CLCC1: variants seen among roughly 807,000 people sequenced by gnomAD.
CLCC1 encodes the protein chloride channel CLIC like 1.
CLCC1 carries 39 observed loss-of-function variants against 63.3 expected under a neutral mutation model. The observed-to-expected ratio is 0.62, with a 90% confidence interval of 0.48 to 0.81. The LOEUF is 0.81. Ranked by LOEUF, CLCC1 falls within the 30% of genes least tolerant of loss-of-function variation. The pLI, the probability that CLCC1 is intolerant of heterozygous loss-of-function variation, is 0.00. For missense variants in CLCC1, 549 were observed against 669.4 expected (o/e 0.82, Z 1.98); for synonymous variants, 217 against 239.8 (o/e 0.90, Z 0.88).
At chr1:108,944,396 G>A (rs1056355579) in intron 5 of CLCC1, among the ~76,000 whole-genome samples, 9 of 151,894 alleles carry the variant, frequency 5.9e-5, no homozygotes, top group East Asian at 3.9e-4. Context: ...TCTGTGCCCC[G>A]GATTCGAGGC....
chr1:108,938,857 G>T (rs769237914), intron 10 of CLCC1, among the ~76,000 whole-genome samples: 1 of 151,972 alleles, frequency 6.6e-6, no homozygotes, highest in Admixed American at 6.6e-5. Context: ...TTAAAAAGAG[G>T]TTATTATTCT....
intron 5 of CLCC1, among the ~76,000 whole-genome samples, chr1:108,947,406 C>T (rs76958472): frequency 6.6e-6 from 1 of 152,140 alleles, no homozygotes; most frequent in African/African-American, 2.4e-5. Context: ...GGAGAAAGAG[C>T]GGTCTGCACT....
intron 2 of CLCC1, among the ~76,000 whole-genome samples, chr1:108,952,460 A>G (rs1655323582): frequency 6.6e-6 from 1 of 151,940 alleles, no homozygotes; most frequent in South Asian, 2.1e-4. Flanking sequence ...CATGAGCCAC[A>G]GCGCTTGGCC....
rs1553222737 is a variant in CLCC1, at chr1:108,954,028, A to AG, written c.-11-3581_-11-3580insC. 2.6e-4 allele frequency among the ~76,000 whole-genome samples: 38 copies of AG among 148,996 alleles called. 4 individuals carry two copies. Among genetic ancestry groups the AG allele is most frequent in the African/African-American group, 9.2e-4 (36 of 39,314 alleles). On this transcript the variant is annotated intron_variant, in intron 2 of 12. Transcript: ENST00000369969. Reference sequence around the variant, plus strand: ...TCCGTCTCAAAAAAAAAAAAAAAAAACACATCCGACTGGAGAAACTAGAAA... The same window carrying AG: ...TCCGTCTCAAAAAAAAAAAAAAAAAAGCACATCCGACTGGAGAAACTAGAAA...
rs780493936 is a variant in CLCC1 at position 108,929,919 on chromosome 1, G to GA, written c.*2627dup. The GA allele has an allele frequency of 1.9e-5, 31 of 1,613,130 alleles. No homozygotes were observed. In the Admixed American group the frequency reaches 3.3e-4, roughly 17 times the overall value. Reference sequence around the variant, plus strand: ...CTTTGTTGGAGTTTAAAAATTCAGGGAAAAAATCGGCAGACCATTAGTTAC... The same window carrying GA: ...CTTTGTTGGAGTTTAAAAATTCAGGGAAAAAAATCGGCAGACCATTAGTTAC... On this transcript the variant is annotated 3_prime_UTR_variant, in exon 13 of 13. Coordinates refer to ENST00000369969, the MANE Select transcript of CLCC1 (RefSeq NM_001377458.1).
At position 108,951,034 on chromosome 1, in the gene CLCC1, T is replaced by C. The variant is rs114291219; in HGVS notation, c.-11-586A>G. Among the ~76,000 whole-genome samples the C allele has an allele frequency of 1.0e-2, 1,520 of 152,230 alleles. 16 individuals carry two copies. The highest frequency in any genetic ancestry group is 0.02 in the Middle Eastern group (6 of 294). On this transcript the variant is annotated intron_variant, in intron 2 of 12. Transcript: ENST00000369969. ...TATATACCCAAAAGAAATGAAAATATATGTCCACACAAAAACTTGTACATG... is the reference window on the plus strand; with the variant it reads ...TATATACCCAAAAGAAATGAAAATACATGTCCACACAAAAACTTGTACATG...
rs376059713 is a variant in CLCC1 at position 108,941,491 on chromosome 1, A to G, written c.710T>C (p.Phe237Ser). 1.9e-6 allele frequency: 3 copies of G among 1,613,910 alleles called. No homozygotes were observed. The African/African-American group carries it at 4.0e-5, about 22-fold the overall frequency. ...GGCGACTTCAGCCTGATGCTGTGCA[A>G]AAGCTAGCTGCCCAACACCAAAAGG... ...WNWMYLYKLA[F>S]AQHQAEVAKM... The change falls in exon 8 of 13, where the codon TTT becomes TCT. Residue 237 changes from phenylalanine to serine, a missense_variant. Phe to Ser is a radical substitution (Grantham distance 155). Coordinates refer to ENST00000369969, the MANE Select transcript of CLCC1 (RefSeq NM_001377458.1).
At chr1:108,932,571 A>G (rs1440375474) in intron 12 of CLCC1, 70 bp from the exon 13 acceptor site, 1 of 152,228 alleles carries the variant, frequency 6.6e-6, no homozygotes, top group Non-Finnish European at 1.5e-5. Context: ...TTTGGATTAA[A>G]AGGCATGCAA....
chr1:108,940,480 G>T (rs1653700806), intron 8 of CLCC1, among the ~76,000 whole-genome samples: 1 of 152,170 alleles, frequency 6.6e-6, no homozygotes, highest in South Asian at 2.1e-4. Flanking sequence ...CTGGTGGATT[G>T]TATCAAAGTC....
chr1:108,931,112 CTT>C lies in CLCC1; in HGVS notation c.*1433_*1434del. 1 of 433,976 alleles carries C rather than the reference CTT, an allele frequency of 2.3e-6. No homozygotes were observed. The allele number at this position is 433,976 out of a possible 1,614,324, so 26.9% of individuals were successfully genotyped here. On this transcript the variant is annotated 3_prime_UTR_variant, in exon 13 of 13. Coordinates refer to ENST00000369969, the MANE Select transcript of CLCC1 (RefSeq NM_001377458.1). The stretch of plus-strand genomic sequence containing the variant: ...TTAAAAAAATTATTTAAAATGGTCT[CTT>C]CTGTTCCATAATACTGCTGTAAAAC...
At chr1:108,934,105 G>A (rs944406972) in intron 12 of CLCC1, 5 of 152,300 alleles carry the variant, frequency 3.3e-5, no homozygotes, top group Admixed American at 2.6e-4. Flanking sequence ...AAAGTAAAAG[G>A]AACAATAAGG....
At position 108,931,112 on chromosome 1, in the gene CLCC1, C is replaced by T; in HGVS notation, c.*1435G>A. The T allele has an allele frequency of 2.3e-6, 1 of 433,976 alleles. No homozygotes were observed. The highest frequency in any genetic ancestry group is 4.3e-5 in the East Asian group (1 of 23,100). 26.9% of individuals were successfully genotyped at this position (433,976 alleles called of 1,614,324 possible). On this transcript the variant is annotated 3_prime_UTR_variant, in exon 13 of 13. Coordinates refer to ENST00000369969, the MANE Select transcript of CLCC1 (RefSeq NM_001377458.1). ...TTAAAAAAATTATTTAAAATGGTCT[C>T]TTCTGTTCCATAATACTGCTGTAAA... is the stretch of plus-strand genomic sequence containing the variant.
At position 108,931,245 on chromosome 1, in the gene CLCC1, A is replaced by T. The variant is rs1326442878; in HGVS notation, c.*1302T>A. On this transcript the variant is annotated 3_prime_UTR_variant, in exon 13 of 13. Transcript: ENST00000369969. ...AGAAAACAGATGAAAACTCACAAAA[A>T]TTAAATATGAAAGAAAGATGTCAGC... The T allele has an allele frequency of 7.0e-7, 1 of 1,424,698 alleles. No individual in the cohort carries two copies. Among genetic ancestry groups the T allele is most frequent in the Non-Finnish European group, 9.3e-7 (1 of 1,077,208 alleles). 88.3% of individuals were successfully genotyped at this position (1,424,698 alleles called of 1,614,324 possible).
chr1:108,935,423 ATG>A (rs1652758714), intron 11 of CLCC1, among the ~76,000 whole-genome samples: 1 of 152,172 alleles, frequency 6.6e-6, no homozygotes, highest in Non-Finnish European at 1.5e-5. Flanking sequence ...TGAGTGCTGA[ATG>A]TGGGTGGGCT....
intron 2 of CLCC1, among the ~76,000 whole-genome samples, chr1:108,957,895 G>A (rs965681258): frequency 6.6e-6 from 1 of 151,358 alleles, no homozygotes; most frequent in Non-Finnish European, 1.5e-5. Context: ...TTATTATGAG[G>A]ACAAAAGACT....
At chr1:108,960,709 G>A (rs1468185564) in intron 2 of CLCC1, among the ~76,000 whole-genome samples, 2 of 152,138 alleles carry the variant, frequency 1.3e-5, no homozygotes, top group Non-Finnish European at 2.9e-5. Context: ...GATATGAAGT[G>A]GACAGAGAAA....
intron 11 of CLCC1, among the ~76,000 whole-genome samples, chr1:108,935,932 G>A (rs868784479): frequency 2.0e-5 from 3 of 152,138 alleles, no homozygotes; most frequent in South Asian, 2.1e-4. Context: ...GACCAGAGAG[G>A]TAGTGGATGT....
At chr1:108,946,135 CCT>C (rs1057451953) in intron 5 of CLCC1, among the ~76,000 whole-genome samples, 26 of 152,114 alleles carry the variant, frequency 1.7e-4, no homozygotes, top group African/African-American at 6.0e-4. Flanking sequence ...ACGGTGAAAC[CCT>C]GTCTCTACTG....
chr1:108,961,365 C>A (rs1316855174), intron 2 of CLCC1, among the ~76,000 whole-genome samples: 1 of 150,996 alleles, frequency 6.6e-6, no homozygotes, highest in African/African-American at 2.4e-5. Context: ...CCTGGTGATG[C>A]CGCAGACCAC....
Sources: gnomAD v4.1 joint callset for allele counts (sites outside exome capture counted in the v4.1 genomes callset) on GRCh38, gnomAD v4.1.1 for gene constraint, MANE v1.5 for transcripts, NCBI Gene and HGNC (gene_info 2026-07-23, HGNC 2026-07-21) for gene names.